USP34: variants seen among roughly 807,000 people sequenced by gnomAD.
USP34 encodes ubiquitin specific peptidase 34.
USP34 carries 70 observed loss-of-function variants against 460.3 expected under a neutral mutation model. That is an observed-to-expected ratio of 0.15 (90% CI 0.13 to 0.19). The LOEUF (loss-of-function observed/expected upper bound fraction) is 0.19, where lower values mean the gene tolerates loss of function less well. Ranked by LOEUF, USP34 falls within the 10% of genes least tolerant of loss-of-function variation. The pLI is 1.00. For synonymous variants in USP34, 1,647 were observed against 1,405.3 expected, an observed-to-expected ratio of 1.17 and a Z score of -3.85; for missense variants, 3,985 against 4,236.2, an observed-to-expected ratio of 0.94 and a Z score of 1.65.
chr2:61,236,862 C>G (rs1688083963), intron 53 of USP34, among the ~76,000 whole-genome samples: 1 of 152,202 alleles, frequency 6.6e-6, no homozygotes, highest in Non-Finnish European at 1.5e-5. Flanking sequence ...TTGTCTTCAT[C>G]TGTCTGAATA....
At chr2:61,268,703 T>A (rs975221607) in intron 41 of USP34, among the ~76,000 whole-genome samples, 1 of 152,122 alleles carries the variant, frequency 6.6e-6, no homozygotes, top group Admixed American at 6.5e-5. Context: ...AAAACTTCCA[T>A]GTGCACTAAA....
At chr2:61,270,391 T>A (rs1409439331) in intron 41 of USP34, among the ~76,000 whole-genome samples, 1 of 152,176 alleles carries the variant, frequency 6.6e-6, no homozygotes, top group African/African-American at 2.4e-5. Flanking sequence ...GCCTCCAGAA[T>A]TGTGAAAAGT....
chr2:61,455,453 C>T (rs1695409694), intron 1 of USP34, among the ~76,000 whole-genome samples: 1 of 152,106 alleles, frequency 6.6e-6, no homozygotes, highest in Non-Finnish European at 1.5e-5. Context: ...GCTAGGATTA[C>T]AGGGTTTTTT....
At chr2:61,311,731 G>C (rs1179267918) in intron 26 of USP34, 44 bp from the exon 27 acceptor site, 2 of 1,609,250 alleles carry the variant, frequency 1.2e-6, no homozygotes, top group African/African-American at 1.3e-5. Flanking sequence ...AAAAAGAACA[G>C]ATATTTGACC....
At chr2:61,368,594 T>C (rs779615205) in intron 10 of USP34, among the ~76,000 whole-genome samples, 8 of 151,858 alleles carry the variant, frequency 5.3e-5, no homozygotes, top group Non-Finnish European at 1.0e-4. Context: ...CAAGAAAAAA[T>C]TGGTATATCA....
At chr2:61,401,910 C>A (rs1693733455) in intron 3 of USP34, among the ~76,000 whole-genome samples, 1 of 150,922 alleles carries the variant, frequency 6.6e-6, no homozygotes, top group South Asian at 2.1e-4. Context: ...AACACTAGAG[C>A]AATTATCTGA....
At chr2:61,315,523 G>A (rs187397978) in intron 23 of USP34, among the ~76,000 whole-genome samples, 4 of 152,078 alleles carry the variant, frequency 2.6e-5, no homozygotes, top group East Asian at 1.9e-4. Context: ...ACAGGCATGC[G>A]CCACAACATC....
At chr2:61,308,902 G>C (rs1690498266) in intron 27 of USP34, among the ~76,000 whole-genome samples, 1 of 151,982 alleles carries the variant, frequency 6.6e-6, no homozygotes, top group Non-Finnish European at 1.5e-5. Context: ...ATTACCCAGG[G>C]ATGGTGGCAC....
intron 69 of USP34, among the ~76,000 whole-genome samples, chr2:61,211,174 TA>T (rs1265541974): frequency 2.0e-5 from 3 of 151,826 alleles, no homozygotes; most frequent in Admixed American, 6.6e-5. Context: ...AAAGTACCAT[TA>T]AAAAAAATGT....
At position 61,339,690 on chromosome 2, in the gene USP34, A is replaced by G. The variant is rs74726808; in HGVS notation, c.2501-9T>C. 18 of 309,420 alleles carry G rather than the reference A, an allele frequency of 5.8e-5. No individual in the cohort carries two copies. In the East Asian group the frequency reaches 1.0e-3, roughly 17 times the overall value. The allele number at this position is 309,420 out of a possible 1,614,324, so 19.2% of individuals were successfully genotyped here. A position where few individuals can be genotyped will look rare whatever the true frequency, so the allele number is the denominator to read the frequency against. On this transcript the variant is annotated splice_polypyrimidine_tract_variant and intron_variant, in intron 16 of 79. Transcript: ENST00000398571. Reference sequence around the variant, plus strand: ...TTTATGAACTACAGGTCCTGAAGAGAAAAAAAAAAAAAAGACACACTATAG... The same window carrying G: ...TTTATGAACTACAGGTCCTGAAGAGGAAAAAAAAAAAAAGACACACTATAG...
At chr2:61,196,186 T>C (rs1046267475) in intron 75 of USP34, among the ~76,000 whole-genome samples, 1 of 146,282 alleles carries the variant, frequency 6.8e-6, no homozygotes, top group Non-Finnish European at 1.5e-5. Flanking sequence ...GTTCATGCCA[T>C]TCTCCTGCCC....
At chr2:61,221,888 A>G in intron 65 of USP34, 1 of 259,438 alleles carries the variant, frequency 3.9e-6, no homozygotes, top group East Asian at 8.2e-5. Context: ...AACACTGTAA[A>G]TACTTACGAT....
chr2:61,287,672 T>A (rs928769972), intron 34 of USP34, among the ~76,000 whole-genome samples: 2 of 152,158 alleles, frequency 1.3e-5, no homozygotes, highest in Non-Finnish European at 1.5e-5. Context: ...TCTTAACACT[T>A]TCTTTTCTCT....
At chr2:61,305,359 A>G (rs1004233543) in intron 27 of USP34, among the ~76,000 whole-genome samples, 1 of 152,108 alleles carries the variant, frequency 6.6e-6, no homozygotes, top group African/African-American at 2.4e-5. Context: ...CAAGGAGAAA[A>G]AAAGAAGAGA....
At chr2:61,298,764 G>A (rs1160561558) in intron 29 of USP34, among the ~76,000 whole-genome samples, 2 of 149,736 alleles carry the variant, frequency 1.3e-5, no homozygotes, top group Non-Finnish European at 3.0e-5. Context: ...CTTAAAACCA[G>A]CCATAATGAT....
At chr2:61,309,302 C>T (rs192238197) in intron 27 of USP34, among the ~76,000 whole-genome samples, 4 of 152,064 alleles carry the variant, frequency 2.6e-5, no homozygotes, top group African/African-American at 9.7e-5. Flanking sequence ...TAGAACACTC[C>T]CTGTACTCCA....
intron 76 of USP34, 73 bp from the exon 77 acceptor site, chr2:61,190,731 A>T: frequency 1.0e-5 from 16 of 1,523,918 alleles, no homozygotes; most frequent in Non-Finnish European, 1.4e-5. Flanking sequence ...AAACTTACAC[A>T]GAAAAAACAT....
intron 37 of USP34, among the ~76,000 whole-genome samples, chr2:61,282,820 C>T (rs1689573733): frequency 6.6e-6 from 1 of 151,798 alleles, no homozygotes; most frequent in Admixed American, 6.6e-5. Context: ...AAAAAGGCCA[C>T]AGAACTTTTC....
In USP34 at chr2:61,280,166, TAA is replaced by T. The variant is rs1689491817; in HGVS notation, c.5256+76_5256+77del. The stretch of plus-strand genomic sequence containing the variant: ...TTAATGAAGTACACTTAATAACCAA[TAA>T]AGTCATGAACATATGTCATAATTCA... On this transcript the variant is annotated intron_variant, in intron 39 of 79. Transcript: ENST00000398571. The T allele has an allele frequency of 4.8e-6, 4 of 833,952 alleles. No homozygotes were observed. The South Asian group carries it at 9.6e-5, about 20-fold the overall frequency. The allele number at this position is 833,952 out of a possible 1,614,324, so 51.7% of individuals were successfully genotyped here.
Sources: gnomAD v4.1 joint callset for allele counts (sites outside exome capture counted in the v4.1 genomes callset) on GRCh38, gnomAD v4.1.1 for gene constraint, MANE v1.5 for transcripts, NCBI Gene and HGNC (gene_info 2026-07-23, HGNC 2026-07-21) for gene names.